The following JCHAIN variants were observed in gnomAD, a reference collection of about 807,000 sequenced individuals.
JCHAIN encodes the protein joining chain of multimeric IgA and IgM.
In JCHAIN, 5 loss-of-function variants were observed where a neutral mutation model predicts 11.1. That is an observed-to-expected ratio of 0.45 (90% CI 0.24 to 0.95). JCHAIN has a LOEUF of 0.95. Ranked by LOEUF, JCHAIN falls within the 40% of genes least tolerant of loss-of-function variation. The pLI, the probability that JCHAIN is intolerant of heterozygous loss-of-function variation, is 0.21. For missense variants in JCHAIN, 165 were observed against 192.7 expected (o/e 0.86, Z 0.85); for synonymous variants, 51 against 67.8 (o/e 0.75, Z 1.22).
intron 2 of JCHAIN, among the ~76,000 whole-genome samples, chr4:70,658,346 A>G (rs1442122457): frequency 6.6e-6 from 1 of 152,174 alleles, no homozygotes; most frequent in Non-Finnish European, 1.5e-5. Context: ...TTCTCTGCTT[A>G]AAACCTCTAG....
chr4:70,656,325 T>G lies in JCHAIN; in HGVS notation c.*4A>C. 1 of 1,605,692 alleles carries G rather than the reference T, an allele frequency of 6.2e-7. No homozygotes were observed. The highest frequency in any genetic ancestry group is 8.5e-7 in the Non-Finnish European group (1 of 1,172,454). On this transcript the variant is annotated 3_prime_UTR_variant, in exon 4 of 4. Coordinates refer to ENST00000254801, the MANE Select transcript of JCHAIN (RefSeq NM_144646.4). ...AAGAGCTATGCAGTCAGCAATGACTTAAATTAGTCAGGATAGCAGGCATCT... is the reference window on the plus strand; with the variant it reads ...AAGAGCTATGCAGTCAGCAATGACTGAAATTAGTCAGGATAGCAGGCATCT...
At chr4:70,666,318 A>G in intron 1 of JCHAIN, 109 bp downstream of exon 1, 1 of 674,748 alleles carries the variant, frequency 1.5e-6, no homozygotes, top group South Asian at 1.9e-5. Context: ...AGGAAAAAGT[A>G]GCTGGCTAAC....
chr4:70,657,175 C>T (rs749978722), intron 3 of JCHAIN, 36 bp downstream of exon 3: 2 of 1,111,442 alleles, frequency 1.8e-6, no homozygotes, highest in South Asian at 2.7e-5. Context: ...TATTAACTTC[C>T]ACATCTATAT....
rs1235423687 is a variant in JCHAIN, at chr4:70,658,148, A to G, written c.189-857T>C. ...ACATATCTAATCAATCTCACAGTCCAGTTGATTCTAATTATTTTCATGTGT... is the reference window on the plus strand; with the variant it reads ...ACATATCTAATCAATCTCACAGTCCGGTTGATTCTAATTATTTTCATGTGT... On this transcript the variant is annotated intron_variant, in intron 2 of 3. Coordinates refer to ENST00000254801, the MANE Select transcript of JCHAIN (RefSeq NM_144646.4). Among the ~76,000 whole-genome samples the G allele has an allele frequency of 3.3e-5, 5 of 152,208 alleles. No individual in the cohort carries two copies. The South Asian group carries it at 1.0e-3, about 32-fold the overall frequency.
rs1238353800 is a variant in JCHAIN at position 70,662,149 on chromosome 4, A to T, written c.131T>A (p.Ile44Asn). ...KCKCARITSR[I>N]IRSSEDPNED... ...ATTAGGATCTTCGGAAGAACGGATG[A>T]TCCTGGAAGTAATCCGGGCACACTT... Residue 44 changes from isoleucine to asparagine, a missense_variant, in exon 2 of 4, where the codon ATC becomes AAC. Physicochemically the swap from Ile to Asn is moderately radical, Grantham distance 149. Coordinates refer to ENST00000254801, the MANE Select transcript of JCHAIN (RefSeq NM_144646.4). The T allele has an allele frequency of 2.5e-6, 4 of 1,613,288 alleles. No homozygotes were observed. Among genetic ancestry groups the T allele is most frequent in the Non-Finnish European group, 3.4e-6 (4 of 1,179,338 alleles).
At position 70,656,127 on chromosome 4, in the gene JCHAIN, C is replaced by A. The variant is rs1738945801; in HGVS notation, c.*202G>T. 1 of 554,546 alleles carries A rather than the reference C, an allele frequency of 1.8e-6. No individual in the cohort carries two copies. Among genetic ancestry groups the A allele is most frequent in the African/African-American group, 1.9e-5 (1 of 52,074 alleles). 34.4% of individuals were successfully genotyped at this position (554,546 alleles called of 1,614,324 possible). On this transcript the variant is annotated 3_prime_UTR_variant, in exon 4 of 4. Transcript: ENST00000254801. The stretch of plus-strand genomic sequence containing the variant: ...AAGATTTTGATACTTAGAGTATGAA[C>A]ATATAATTAAGAAGTGATTACCTAA...
intron 1 of JCHAIN, among the ~76,000 whole-genome samples, chr4:70,663,801 T>G (rs1739102426): frequency 6.6e-6 from 1 of 151,430 alleles, no homozygotes; most frequent in Admixed American, 6.6e-5. Context: ...CCTCAGGTGA[T>G]CCACCCTCCT....
In JCHAIN at chr4:70,655,647, A is replaced by G. The variant is rs1738932595; in HGVS notation, c.*682T>C. 1 of 152,160 alleles carries G rather than the reference A, an allele frequency of 6.6e-6. No homozygotes were observed. The highest frequency in any genetic ancestry group is 2.1e-4 in the South Asian group (1 of 4,824). The allele number at this position is 152,160 out of a possible 1,614,324, so 9.4% of individuals were successfully genotyped here. On this transcript the variant is annotated 3_prime_UTR_variant, in exon 4 of 4. Coordinates refer to ENST00000254801, the MANE Select transcript of JCHAIN (RefSeq NM_144646.4). ...TACAAAATGGATTGTTTCAAATGGC[A>G]ATTTCTTACACTAACCTGATTATGA...
intron 2 of JCHAIN, among the ~76,000 whole-genome samples, chr4:70,659,807 C>G (rs1479386989): frequency 6.6e-6 from 1 of 151,950 alleles, no homozygotes; most frequent in Non-Finnish European, 1.5e-5. Flanking sequence ...GCAGAGGTTG[C>G]AGTAAGCCAA....
intron 1 of JCHAIN, among the ~76,000 whole-genome samples, chr4:70,663,944 G>T (rs963927543): frequency 1.3e-5 from 2 of 151,526 alleles, no homozygotes; most frequent in African/African-American, 4.8e-5. Context: ...TAACAATGAT[G>T]TTGGCCGGGT....
intron 2 of JCHAIN, among the ~76,000 whole-genome samples, chr4:70,659,068 G>A (rs553428112): frequency 2.0e-4 from 31 of 152,278 alleles, no homozygotes; most frequent in African/African-American, 7.5e-4. Flanking sequence ...AGAAAAAGGA[G>A]AGGCTACTAT....
Position 70,656,458 on chromosome 4 carries a change from G to C in JCHAIN, c.351C>G (p.Asp117Glu). 3 of 1,613,330 alleles carry C rather than the reference G, an allele frequency of 1.9e-6. No individual in the cohort carries two copies. The highest frequency in any genetic ancestry group is 2.5e-6 in the Non-Finnish European group (3 of 1,179,254). ...AAGTGTAGCAGGTCTCTGTAGCACT[G>C]TCTTCATCACAGATATTGCTCTGGG... is the stretch of plus-strand genomic sequence containing the variant. ...TATQSNICDEDSATETCYTYD... is the reference protein window; with the variant it reads ...TATQSNICDEESATETCYTYD... Residue 117 changes from aspartate to glutamate, a missense_variant, in exon 4 of 4, where the codon GAC (aspartate) becomes GAG (glutamate). Asp to Glu is a conservative substitution (Grantham distance 45). Coordinates refer to ENST00000254801, the MANE Select transcript of JCHAIN (RefSeq NM_144646.4).
rs1458017523 is a variant in JCHAIN, at chr4:70,666,473, AAG to A, written c.16_17del (p.Leu6PhefsTer10). Reference protein sequence around the residue: MKNHLLFWGVLAVFIK... With the variant: MKNHLXFWGVLAVFIK... The stretch of plus-strand genomic sequence containing the variant: ...TAAAAACCGCCAGGACTCCCCAGAA[AAG>A]CAAATGGTTCTTCATCTTGACTTCA... On this transcript the variant is annotated frameshift_variant, in exon 1 of 4. Transcript: ENST00000254801. LOFTEE classifies it high-confidence loss of function. 6.2e-7 allele frequency: 1 copy of A among 1,612,994 alleles called. No homozygotes were observed. Among genetic ancestry groups the A allele is most frequent in the Non-Finnish European group, 8.5e-7 (1 of 1,179,190 alleles).
rs772230010 is a variant in JCHAIN at position 70,655,610 on chromosome 4, A to G, written c.*719T>C. On this transcript the variant is annotated 3_prime_UTR_variant, in exon 4 of 4. Transcript: ENST00000254801. ...ACGTACCATGAAATACATATATTTC[A>G]TAAGGTTCAGTTACAAAATGGATTG... 1.5e-4 allele frequency: 23 copies of G among 152,236 alleles called. No individual in the cohort carries two copies. Among genetic ancestry groups the G allele is most frequent in the Non-Finnish European group, 3.1e-4 (21 of 68,046 alleles). The allele number at this position is 152,236 out of a possible 1,614,324, so 9.4% of individuals were successfully genotyped here. A position where few individuals can be genotyped will look rare whatever the true frequency, so the allele number is the denominator to read the frequency against.
intron 2 of JCHAIN, among the ~76,000 whole-genome samples, chr4:70,660,567 A>T (rs1739034353): frequency 6.6e-6 from 1 of 152,038 alleles, no homozygotes. Flanking sequence ...TATTTTTAGT[A>T]GAGACGGGGT....
chr4:70,661,069 A>C (rs1297299305), intron 2 of JCHAIN, among the ~76,000 whole-genome samples: 1 of 152,230 alleles, frequency 6.6e-6, no homozygotes, highest in East Asian at 1.9e-4. Context: ...ACAGAACTTA[A>C]AACAAAATTC....
intron 2 of JCHAIN, among the ~76,000 whole-genome samples, chr4:70,659,553 A>T (rs1329403017): frequency 8.0e-6 from 1 of 124,888 alleles, no homozygotes; most frequent in Non-Finnish European, 1.7e-5. Flanking sequence ...CTGTCTCAAA[A>T]AAAAAAAAAA....
rs1484528634 is a variant in JCHAIN, at chr4:70,658,772, C to T, written c.189-1481G>A. 5.3e-5 allele frequency among the ~76,000 whole-genome samples: 8 copies of T among 152,198 alleles called. No homozygotes were observed. In the East Asian group the frequency reaches 1.3e-3, roughly 26 times the overall value. On this transcript the variant is annotated intron_variant, in intron 2 of 3. Transcript: ENST00000254801. ...ACCCTTTCCTGCCTCCCACTGCCAC[C>T]CTTCTCCTCTCCCCCAGGATTGGAC...
intron 2 of JCHAIN, among the ~76,000 whole-genome samples, chr4:70,658,288 G>A (rs111447430): frequency 4.6e-5 from 7 of 152,048 alleles, no homozygotes; most frequent in Non-Finnish European, 8.8e-5. Flanking sequence ...CAAACCACTG[G>A]CCACATTATT....
Sources: gnomAD v4.1 joint callset for allele counts (sites outside exome capture counted in the v4.1 genomes callset) on GRCh38, gnomAD v4.1.1 for gene constraint, MANE v1.5 for transcripts, NCBI Gene and HGNC (gene_info 2026-07-23, HGNC 2026-07-21) for gene names.